Variants in TEAD1 observed in about 807,000 individuals in gnomAD.
TEAD1 encodes transcriptional enhancer factor TEF-1.
In TEAD1, 9 loss-of-function variants were observed where a neutral mutation model predicts 54.9. The ratio of observed to expected loss-of-function variants is 0.16; its 90% CI spans 0.10 to 0.29. TEAD1 has a LOEUF of 0.29. Ranked by LOEUF, TEAD1 falls within the 10% of genes least tolerant of loss-of-function variation. The pLI is 1.00. For synonymous variants in TEAD1, 200 were observed against 187.8 expected (o/e 1.07, Z -0.53); for missense variants, 387 against 535.9 (o/e 0.72, Z 2.74).
chr11:12,696,008 G>GT (rs1943572843), intron 2 of TEAD1, among the ~76,000 whole-genome samples: 1 of 152,194 alleles, frequency 6.6e-6, no homozygotes, highest in Non-Finnish European at 1.5e-5. Context: ...CAACAAAGTG[G>GT]TTTTTTCCTC....
chr11:12,679,467 T>A (rs1363990054), intron 2 of TEAD1, among the ~76,000 whole-genome samples: 2 of 152,160 alleles, frequency 1.3e-5, no homozygotes. Flanking sequence ...ATCTGACAGG[T>A]TTAGATGTAT....
rs756723520 is a variant in TEAD1, at chr11:12,922,192, C to CTTTTTTT, written c.874-2704_874-2698dup. Among the ~76,000 whole-genome samples the CTTTTTTT allele has an allele frequency of 6.1e-4, 58 of 94,498 alleles. 6 individuals carry two copies. Among genetic ancestry groups the CTTTTTTT allele is most frequent in the African/African-American group, 2.3e-3 (54 of 23,144 alleles). The allele number at this position is 94,498 out of a possible 152,430, so 62.0% of individuals were successfully genotyped here. A position where few individuals can be genotyped will look rare whatever the true frequency, so the allele number is the denominator to read the frequency against. ...AGGGGAATGTGGAGTACATGGTTCT[C>CTTTTTTT]TTTTTTTTTTTTTTTTTTTTTTGAG... On this transcript the variant is annotated intron_variant, in intron 10 of 12. Transcript: ENST00000527636.
At chr11:12,769,649 A>C (rs576844450) in intron 3 of TEAD1, among the ~76,000 whole-genome samples, 1 of 152,136 alleles carries the variant, frequency 6.6e-6, no homozygotes, top group Admixed American at 6.5e-5. Flanking sequence ...GAGGGTCTCC[A>C]GGCCTTGGCA....
At chr11:12,915,191 G>C (rs11022549) in intron 10 of TEAD1, among the ~76,000 whole-genome samples, 3 of 152,124 alleles carry the variant, frequency 2.0e-5, no homozygotes, top group Non-Finnish European at 2.9e-5. Flanking sequence ...TCGCGCCTTA[G>C]AGGTTATCTG....
Position 12,937,352 on chromosome 11 carries a change from C to T in TEAD1, c.*130C>T, listed in dbSNP as rs371166502. Reference sequence around the variant, plus strand: ...CAGGGTGGTGCCCTGGCCCCGAGGTCACCCCGACTTTTCTAAATCTTGTTT... The same window carrying T: ...CAGGGTGGTGCCCTGGCCCCGAGGTTACCCCGACTTTTCTAAATCTTGTTT... On this transcript the variant is annotated 3_prime_UTR_variant, in exon 13 of 13. Transcript: ENST00000527636. The T allele has an allele frequency of 1.4e-3, 1,009 of 708,150 alleles. No individual in the cohort carries two copies. Among genetic ancestry groups the T allele is most frequent in the Non-Finnish European group, 2.1e-3 (883 of 414,488 alleles). The allele number at this position is 708,150 out of a possible 1,614,324, so 43.9% of individuals were successfully genotyped here.
At chr11:12,880,893 T>C (rs1043893564) in intron 6 of TEAD1, 112 bp from the exon 7 acceptor site, 73 of 1,209,054 alleles carry the variant, frequency 6.0e-5, no homozygotes, top group Non-Finnish European at 8.4e-5. Context: ...AAAGCGATTC[T>C]GTTGGGTGAT....
chr11:12,701,287 A>G (rs558332657), intron 2 of TEAD1, among the ~76,000 whole-genome samples: 1 of 152,064 alleles, frequency 6.6e-6, no homozygotes, highest in African/African-American at 2.4e-5. Flanking sequence ...AAAGTCAGCC[A>G]AAAAAGTTGG....
At chr11:12,906,676 TG>T (rs1277888840) in intron 10 of TEAD1, among the ~76,000 whole-genome samples, 2 of 152,212 alleles carry the variant, frequency 1.3e-5, no homozygotes, top group African/African-American at 4.8e-5. Flanking sequence ...TGTGCCCATT[TG>T]TAGTTAGTTC....
At chr11:12,751,959 A>G (rs1944880303) in intron 2 of TEAD1, among the ~76,000 whole-genome samples, 1 of 152,120 alleles carries the variant, frequency 6.6e-6, no homozygotes. Context: ...TAAAAAACAC[A>G]TTGTGTTTTG....
intron 2 of TEAD1, among the ~76,000 whole-genome samples, chr11:12,706,199 A>G (rs1943811196): frequency 6.6e-6 from 1 of 152,240 alleles, no homozygotes; most frequent in African/African-American, 2.4e-5. Flanking sequence ...ACATTGAATT[A>G]TAAGATACAT....
intron 3 of TEAD1, among the ~76,000 whole-genome samples, chr11:12,797,560 CT>C (rs551712947): frequency 2.6e-3 from 379 of 145,164 alleles, no homozygotes; most frequent in Admixed American, 2.6e-3. Flanking sequence ...CTGTCCCTCT[CT>C]TTTTTTTTTT....
At chr11:12,891,890 G>A (rs1948205445) in intron 9 of TEAD1, among the ~76,000 whole-genome samples, 3 of 152,148 alleles carry the variant, frequency 2.0e-5, no homozygotes, top group African/African-American at 7.2e-5. Context: ...CTTGGTGATG[G>A]CAGCCCCTCA....
intron 2 of TEAD1, among the ~76,000 whole-genome samples, chr11:12,718,184 G>A (rs1022735636): frequency 6.6e-6 from 1 of 152,148 alleles, no homozygotes; most frequent in Non-Finnish European, 1.5e-5. Flanking sequence ...CTGTGGGGAC[G>A]TGCCCCAGGC....
intron 3 of TEAD1, among the ~76,000 whole-genome samples, chr11:12,832,314 C>T (rs1403335457): frequency 6.6e-6 from 1 of 152,182 alleles, no homozygotes; most frequent in Non-Finnish European, 1.5e-5. Flanking sequence ...TTAATCCAAG[C>T]ATTCAACAAG....
chr11:12,686,398 G>A (rs536076969), intron 2 of TEAD1, among the ~76,000 whole-genome samples: 87 of 152,236 alleles, frequency 5.7e-4, no homozygotes, highest in African/African-American at 2.1e-3. Flanking sequence ...TCAAACCTGT[G>A]CTATTTCAAC....
chr11:12,738,730 C>G (rs1944586749), intron 2 of TEAD1, among the ~76,000 whole-genome samples: 1 of 152,196 alleles, frequency 6.6e-6, no homozygotes, highest in Admixed American at 6.5e-5. Context: ...TTGCTAATCA[C>G]TCCTTAAGAC....
intron 3 of TEAD1, among the ~76,000 whole-genome samples, chr11:12,813,300 G>T (rs1392966554): frequency 2.0e-5 from 3 of 152,204 alleles, no homozygotes; most frequent in Non-Finnish European, 4.4e-5. Flanking sequence ...AGTTATGGCA[G>T]TGCCATCTTC....
intron 3 of TEAD1, among the ~76,000 whole-genome samples, chr11:12,847,959 G>T (rs1398319805): frequency 6.6e-6 from 1 of 152,140 alleles, no homozygotes. Context: ...TCTCTGTCGT[G>T]ACTAGCTGGT....
intron 2 of TEAD1, among the ~76,000 whole-genome samples, chr11:12,725,768 C>G (rs1944298426): frequency 6.6e-6 from 1 of 152,164 alleles, no homozygotes; most frequent in Non-Finnish European, 1.5e-5. Flanking sequence ...AAGAAGTTTT[C>G]CTTCCTGTGT....
Sources: gnomAD v4.1 joint callset for allele counts (sites outside exome capture counted in the v4.1 genomes callset) on GRCh38, gnomAD v4.1.1 for gene constraint, MANE v1.5 for transcripts, NCBI Gene and HGNC (gene_info 2026-07-23, HGNC 2026-07-21) for gene names.